Variants in TRIM37 observed in about 807,000 individuals in gnomAD.
TRIM37 encodes tripartite motif containing 37.
In TRIM37, 80 loss-of-function variants were observed where a neutral mutation model predicts 129.8. The observed-to-expected ratio is 0.62, with a 90% confidence interval of 0.51 to 0.74. The LOEUF (loss-of-function observed/expected upper bound fraction) is 0.74. Ranked by LOEUF, TRIM37 falls within the 30% of genes least tolerant of loss-of-function variation. The probability of loss-of-function intolerance (pLI) is 0.00; values close to 1 mark genes in which losing one functional copy is unlikely to be tolerated. For synonymous variants in TRIM37, 389 were observed against 387.1 expected, an observed-to-expected ratio of 1.00 and a Z score of -0.06; for missense variants, 1,054 against 1,176.5, an observed-to-expected ratio of 0.90 and a Z score of 1.52.
intron 17 of TRIM37, among the ~76,000 whole-genome samples, chr17:59,032,977 C>A (rs774579185): frequency 1.3e-5 from 2 of 152,108 alleles, no homozygotes; most frequent in Admixed American, 1.3e-4. Flanking sequence ...TATGCCTATA[C>A]CCCTATATTG....
intron 9 of TRIM37, among the ~76,000 whole-genome samples, chr17:59,065,296 C>A (rs8079298): frequency 6.6e-6 from 1 of 152,114 alleles, no homozygotes; most frequent in Non-Finnish European, 1.5e-5. Context: ...ACTTCCTACT[C>A]TGGAATGGAT....
downstream of TRIM37, among the ~76,000 whole-genome samples, chr17:58,977,962 C>T (rs1416615939): frequency 1.3e-5 from 2 of 152,288 alleles, no homozygotes; most frequent in South Asian, 2.1e-4. Context: ...AGGCTGGCTT[C>T]GTACTCCCGA....
chr17:59,058,843 G>A (rs535075654), intron 12 of TRIM37, among the ~76,000 whole-genome samples: 5 of 152,232 alleles, frequency 3.3e-5, no homozygotes, highest in Admixed American at 2.6e-4. Context: ...CAGCCTCAGT[G>A]ACACAGCAAG....
downstream of TRIM37, among the ~76,000 whole-genome samples, chr17:58,996,879 C>T (rs1044350592): frequency 6.6e-6 from 1 of 151,466 alleles, no homozygotes; most frequent in African/African-American, 2.4e-5. Flanking sequence ...TGATGTGATG[C>T]ACTAAGGGCC....
chr17:59,067,203 T>A (rs139858511), intron 9 of TRIM37, among the ~76,000 whole-genome samples: 69 of 152,300 alleles, frequency 4.5e-4, no homozygotes, highest in African/African-American at 1.7e-3. Context: ...ATTATGCTCA[T>A]TCATTTAGAG....
chr17:58,976,551 C>G, the TRIM37 span, among the ~76,000 whole-genome samples: 53 of 152,342 alleles, frequency 3.5e-4, 1 homozygote, highest in East Asian at 0.01. Flanking sequence ...TCAACAGTTT[C>G]TCCCCATGAG....
the TRIM37 span, among the ~76,000 whole-genome samples, chr17:58,973,641 C>G: frequency 2.5e-4 from 37 of 150,838 alleles, no homozygotes; most frequent in African/African-American, 8.0e-4. Flanking sequence ...GACTTCATCT[C>G]TTAAAAAAAC....
chr17:58,995,623 A>G (rs887153518), downstream of TRIM37, among the ~76,000 whole-genome samples: 2 of 152,226 alleles, frequency 1.3e-5, no homozygotes, highest in African/African-American at 4.8e-5. Context: ...ACTTTTCCTC[A>G]CAGCATTCTA....
intron 24 of TRIM37, among the ~76,000 whole-genome samples, chr17:58,992,058 C>T (rs1598755195): frequency 6.6e-6 from 1 of 151,702 alleles, no homozygotes; most frequent in African/African-American, 2.4e-5. Flanking sequence ...ATTTGCTATC[C>T]TACTCATGTT....
At chr17:59,091,488 A>T (rs570824426) in intron 2 of TRIM37, 148 bp from the exon 3 acceptor site, 74 of 146,942 alleles carry the variant, frequency 5.0e-4, no homozygotes, top group African/African-American at 2.1e-3. Flanking sequence ...TATAATATAT[A>T]ATATATTATT....
In TRIM37 at chr17:59,045,189, CA is replaced by C. The variant is rs547579486; in HGVS notation, c.1667+2493del. Among the ~76,000 whole-genome samples, 22 of 152,046 alleles carry C rather than the reference CA, an allele frequency of 1.4e-4. No homozygotes were observed. The East Asian group carries it at 3.3e-3, about 23-fold the overall frequency. On this transcript the variant is annotated intron_variant, in intron 16 of 23. Coordinates refer to ENST00000262294, the MANE Select transcript of TRIM37 (RefSeq NM_015294.6). Reference sequence around the variant, plus strand: ...AAAATACAAAACAAAATTAGCCGGGCAAGGTGGTGGGCACCTGTAGTCCCAG... The same window carrying C: ...AAAATACAAAACAAAATTAGCCGGGCAGGTGGTGGGCACCTGTAGTCCCAG...
At chr17:59,070,679 C>A in intron 9 of TRIM37, 144 bp downstream of exon 9, 2 of 911,392 alleles carry the variant, frequency 2.2e-6, no homozygotes, top group Non-Finnish European at 3.2e-6. Context: ...GAGTTTGAGA[C>A]CAGCCTGGGC....
intron 18 of TRIM37, among the ~76,000 whole-genome samples, chr17:59,029,498 T>C (rs948285014): frequency 1.3e-5 from 2 of 152,244 alleles, no homozygotes; most frequent in Non-Finnish European, 2.9e-5. Context: ...CTAGATTACC[T>C]GATACCTTTT....
chr17:59,033,072 T>C (rs2038065590), intron 17 of TRIM37, among the ~76,000 whole-genome samples: 1 of 152,200 alleles, frequency 6.6e-6, no homozygotes, highest in Admixed American at 6.5e-5. Flanking sequence ...TATGGAAATG[T>C]TGCTTAAAAC....
intron 24 of TRIM37, among the ~76,000 whole-genome samples, chr17:58,989,314 T>C (rs1307294950): frequency 3.3e-5 from 5 of 152,138 alleles, no homozygotes; most frequent in South Asian, 2.1e-4. Context: ...TGCACACCTG[T>C]AGTCCCAGCT....
chr17:59,049,156 C>T, intron 15 of TRIM37, 22 bp downstream of exon 15: 2 of 1,599,124 alleles, frequency 1.3e-6, no homozygotes, highest in East Asian at 2.2e-5. Flanking sequence ...ACACAAAAAT[C>T]TAAAACTGGC....
intron 21 of TRIM37, among the ~76,000 whole-genome samples, chr17:59,013,981 A>G (rs1034395673): frequency 6.6e-6 from 1 of 152,022 alleles, no homozygotes; most frequent in African/African-American, 2.4e-5. Context: ...AGGATTTTAC[A>G]CTCTAGAAAA....
intron 2 of TRIM37, among the ~76,000 whole-genome samples, chr17:59,097,153 C>T (rs1250735794): frequency 6.6e-6 from 1 of 152,090 alleles, no homozygotes; most frequent in African/African-American, 2.4e-5. Context: ...TCATAAAAAT[C>T]ATAGTCAACG....
chr17:59,067,711 T>C (rs1446060866), intron 9 of TRIM37, among the ~76,000 whole-genome samples: 1 of 152,170 alleles, frequency 6.6e-6, no homozygotes, highest in Non-Finnish European at 1.5e-5. Context: ...TAATTTTGTA[T>C]TTTTAGTAGA....
Sources: gnomAD v4.1 joint callset for allele counts (sites outside exome capture counted in the v4.1 genomes callset) on GRCh38, gnomAD v4.1.1 for gene constraint, MANE v1.5 for transcripts, NCBI Gene and HGNC (gene_info 2026-07-23, HGNC 2026-07-21) for gene names.